The following DNAJC3 variants were observed in gnomAD, a reference collection of about 807,000 sequenced individuals.
DNAJC3 encodes dnaJ homolog subfamily C member 3.
DNAJC3 carries 38 observed loss-of-function variants against 68.6 expected under a neutral mutation model. That is an observed-to-expected ratio of 0.55 (90% CI 0.43 to 0.73). The LOEUF is 0.73. Among genes scored for constraint, DNAJC3 ranks in the 30% least tolerant of loss-of-function variants. The pLI is 0.00. For synonymous variants in DNAJC3, 203 were observed against 204.0 expected (o/e 1.00, Z 0.04); for missense variants, 526 against 591.9 (o/e 0.89, Z 1.16).
chr13:95,764,367 C>CTA (rs1216801215), intron 9 of DNAJC3, among the ~76,000 whole-genome samples: 30 of 140,276 alleles, frequency 2.1e-4, no homozygotes, highest in East Asian at 8.1e-4. Context: ...CTCTCTCTCT[C>CTA]TCTCTCTCTA....
chr13:95,764,347 T>TTCTCTCTC (rs3051424), intron 9 of DNAJC3, among the ~76,000 whole-genome samples: 93 of 130,070 alleles, frequency 7.2e-4, no homozygotes, highest in South Asian at 1.1e-3. Context: ...CATATACATA[T>TTCTCTCTC]TCTCTCTCTC....
At chr13:95,779,376 G>A (rs915776231) in intron 9 of DNAJC3, among the ~76,000 whole-genome samples, 8 of 151,994 alleles carry the variant, frequency 5.3e-5, no homozygotes, top group Admixed American at 1.3e-4. Flanking sequence ...TGCCCACTGC[G>A]GCCTCCCAAA....
intron 1 of DNAJC3, among the ~76,000 whole-genome samples, chr13:95,691,539 C>T (rs1205313301): frequency 6.6e-6 from 1 of 151,324 alleles, no homozygotes; most frequent in East Asian, 2.0e-4. Flanking sequence ...GATGGGATGG[C>T]GGCCGGGCAG....
intron 9 of DNAJC3, among the ~76,000 whole-genome samples, chr13:95,765,567 GTTTTTTT>G (rs1024972959): frequency 2.0e-5 from 2 of 102,348 alleles, no homozygotes; most frequent in African/African-American, 3.8e-5. Context: ...TAATTGATCT[GTTTTTTT>G]TTTTTTTTTT....
At chr13:95,740,037 A>C (rs1882072148) in intron 4 of DNAJC3, among the ~76,000 whole-genome samples, 1 of 150,982 alleles carries the variant, frequency 6.6e-6, no homozygotes, top group African/African-American at 2.4e-5. Flanking sequence ...AACAGAGAGG[A>C]CCCTTAGCTG....
chr13:95,749,129 T>C (rs1178140969), intron 4 of DNAJC3, among the ~76,000 whole-genome samples: 1 of 152,236 alleles, frequency 6.6e-6, no homozygotes, highest in Non-Finnish European at 1.5e-5. Context: ...AATTTATGCT[T>C]ATGGAAAGAA....
Position 95,767,938 on chromosome 13 carries a change from C to T in DNAJC3, c.1075+3985C>T, listed in dbSNP as rs1258775479. 1.6e-4 allele frequency among the ~76,000 whole-genome samples: 24 copies of T among 151,860 alleles called. 1 individual carries two copies. The highest frequency in any genetic ancestry group is 4.4e-5 in the Non-Finnish European group (3 of 67,984). On this transcript the variant is annotated intron_variant, in intron 9 of 11. Coordinates refer to ENST00000602402, the MANE Select transcript of DNAJC3 (RefSeq NM_006260.5). ...CAGGCTGGTCTTGAACTCCTGACCT[C>T]ATGCGATCCACCCGCCTCAGCCTCC... is the stretch of plus-strand genomic sequence containing the variant.
intron 4 of DNAJC3, among the ~76,000 whole-genome samples, chr13:95,729,548 T>C (rs1593985351): frequency 6.6e-6 from 1 of 152,076 alleles, no homozygotes; most frequent in African/African-American, 2.4e-5. Context: ...TTTGATTGTA[T>C]AGTAGTTCTA....
At chr13:95,765,255 G>A (rs940571089) in intron 9 of DNAJC3, among the ~76,000 whole-genome samples, 5 of 152,026 alleles carry the variant, frequency 3.3e-5, no homozygotes, top group Admixed American at 1.3e-4. Context: ...TTGAGCTACC[G>A]TGTCTACTCG....
At chr13:95,785,427 G>T (rs999235247) in intron 9 of DNAJC3, among the ~76,000 whole-genome samples, 2 of 128,030 alleles carry the variant, frequency 1.6e-5, no homozygotes, top group African/African-American at 6.0e-5. Context: ...CCTAAACTCA[G>T]TTTTCATTAT....
intron 4 of DNAJC3, among the ~76,000 whole-genome samples, chr13:95,737,770 C>G: frequency 6.8e-6 from 1 of 146,790 alleles, no homozygotes; most frequent in African/African-American, 2.6e-5. Context: ...TTTCAAAAAA[C>G]CAGCTCCTGG....
At chr13:95,684,920 T>C (rs1475199832) in intron 1 of DNAJC3, among the ~76,000 whole-genome samples, 4 of 152,224 alleles carry the variant, frequency 2.6e-5, no homozygotes, top group Admixed American at 2.0e-4. Context: ...TTCAGATATA[T>C]GGAAAAGCCT....
chr13:95,719,933 G>A (rs180680444), intron 2 of DNAJC3, among the ~76,000 whole-genome samples: 1 of 152,184 alleles, frequency 6.6e-6, no homozygotes, highest in East Asian at 1.9e-4. Flanking sequence ...TGTAAATGCT[G>A]TGTAAATAGT....
At chr13:95,717,902 A>G (rs1464767672) in intron 2 of DNAJC3, among the ~76,000 whole-genome samples, 2 of 152,184 alleles carry the variant, frequency 1.3e-5, no homozygotes, top group Non-Finnish European at 2.9e-5. Context: ...GCACCAGTCC[A>G]GTGTGTTTTT....
At chr13:95,778,480 C>CA (rs201988884) in intron 9 of DNAJC3, among the ~76,000 whole-genome samples, 11 of 151,720 alleles carry the variant, frequency 7.3e-5, no homozygotes, top group Admixed American at 2.6e-4. Context: ...AATTGGAATA[C>CA]AAAAAAAATG....
intron 1 of DNAJC3, among the ~76,000 whole-genome samples, chr13:95,707,820 T>C (rs1298744124): frequency 2.0e-5 from 3 of 152,170 alleles, no homozygotes; most frequent in Admixed American, 1.3e-4. Flanking sequence ...AGGCTGGGGT[T>C]TAGAGCTTAT....
At chr13:95,764,706 AC>A (rs1882936324) in intron 9 of DNAJC3, among the ~76,000 whole-genome samples, 1 of 134,842 alleles carries the variant, frequency 7.4e-6, no homozygotes, top group African/African-American at 3.0e-5. Context: ...ATATATATAT[AC>A]ATATATATAT....
At chr13:95,682,936 C>T (rs1021846828) in intron 1 of DNAJC3, among the ~76,000 whole-genome samples, 5 of 152,226 alleles carry the variant, frequency 3.3e-5, no homozygotes, top group East Asian at 3.9e-4. Context: ...CCACTATGTG[C>T]GGGATACTGA....
chr13:95,714,792 A>G (rs1166377536), intron 2 of DNAJC3, among the ~76,000 whole-genome samples: 1 of 152,246 alleles, frequency 6.6e-6, no homozygotes, highest in Non-Finnish European at 1.5e-5. Context: ...TACCATTAGA[A>G]TGTTTGCAGA....
Sources: gnomAD v4.1 joint callset for allele counts (sites outside exome capture counted in the v4.1 genomes callset) on GRCh38, gnomAD v4.1.1 for gene constraint, MANE v1.5 for transcripts, NCBI Gene and HGNC (gene_info 2026-07-23, HGNC 2026-07-21) for gene names.